MAML3: variants seen among roughly 807,000 people sequenced by gnomAD.
MAML3 encodes the protein mastermind-like protein 3.
MAML3 carries 27 observed loss-of-function variants against 101.9 expected under a neutral mutation model. The ratio of observed to expected loss-of-function variants is 0.27; its 90% CI spans 0.20 to 0.37. MAML3 has a LOEUF of 0.37. MAML3 is among the 10% of genes least tolerant of loss of function. MAML3 has a pLI of 1.00. For synonymous variants in MAML3, 501 were observed against 555.9 expected (o/e 0.90, Z 1.39); for missense variants, 1,316 against 1,444.9 (o/e 0.91, Z 1.45).
chr4:139,876,263 C>T (rs1321277276), intron 2 of MAML3, among the ~76,000 whole-genome samples: 1 of 152,160 alleles, frequency 6.6e-6, no homozygotes, highest in African/African-American at 2.4e-5. Context: ...TTACCTTTTG[C>T]AACATGGCCA....
chr4:139,846,041 T>G (rs1165833675), intron 2 of MAML3, among the ~76,000 whole-genome samples: 1 of 152,196 alleles, frequency 6.6e-6, no homozygotes, highest in Non-Finnish European at 1.5e-5. Flanking sequence ...CATAGTTATT[T>G]GTGACAGCTT....
chr4:139,841,366 T>G lies in MAML3; in HGVS notation c.2079+47991A>C, dbSNP rs182578259. ...GGTGAATGCTATGTCCAGCTCTTTCTCTCTCATCTTCTTCATGTAGGGTCA... is the reference window on the plus strand; with the variant it reads ...GGTGAATGCTATGTCCAGCTCTTTCGCTCTCATCTTCTTCATGTAGGGTCA... On this transcript the variant is annotated intron_variant, in intron 2 of 4. Transcript: ENST00000509479. Among the ~76,000 whole-genome samples, 56 of 152,346 alleles carry G rather than the reference T, an allele frequency of 3.7e-4. 1 individual carries two copies. In the East Asian group the frequency reaches 9.8e-3, roughly 27 times the overall value.
intron 1 of MAML3, among the ~76,000 whole-genome samples, chr4:140,119,873 G>A (rs1728577147): frequency 2.6e-5 from 4 of 152,114 alleles, no homozygotes; most frequent in African/African-American, 9.7e-5. Flanking sequence ...ATTCTAGAGA[G>A]GAAAATTAGT....
At chr4:139,728,924 C>G (rs1728588352) in intron 3 of MAML3, among the ~76,000 whole-genome samples, 1 of 152,126 alleles carries the variant, frequency 6.6e-6, no homozygotes, top group Admixed American at 6.5e-5. Context: ...AGCCATCACT[C>G]AAAACATCAG....
chr4:139,879,355 A>T (rs1732174261), intron 2 of MAML3, among the ~76,000 whole-genome samples: 1 of 151,636 alleles, frequency 6.6e-6, no homozygotes, highest in African/African-American at 2.4e-5. Flanking sequence ...GTGAAACCCC[A>T]TGTCTACTAA....
chr4:139,896,607 GGTGT>G (rs113274639), intron 1 of MAML3, among the ~76,000 whole-genome samples: 15 of 144,680 alleles, frequency 1.0e-4, no homozygotes, highest in African/African-American at 3.4e-4. Flanking sequence ...CTGTGAAACT[GGTGT>G]GTGTGTGTGT....
intron 2 of MAML3, among the ~76,000 whole-genome samples, chr4:139,774,716 A>G (rs927555705): frequency 6.6e-6 from 1 of 152,232 alleles, no homozygotes; most frequent in Admixed American, 6.5e-5. Context: ...AAGATTTATG[A>G]TAGTAATTTT....
At chr4:140,148,861 C>T (rs578012979) in intron 1 of MAML3, among the ~76,000 whole-genome samples, 3 of 152,232 alleles carry the variant, frequency 2.0e-5, no homozygotes, top group Non-Finnish European at 4.4e-5. Context: ...GAACAGGGGT[C>T]ACATAGATTT....
At chr4:139,802,925 A>G (rs908970130) in intron 2 of MAML3, among the ~76,000 whole-genome samples, 1 of 152,242 alleles carries the variant, frequency 6.6e-6, no homozygotes, top group Non-Finnish European at 1.5e-5. Flanking sequence ...CTAAAAGACA[A>G]AAATATCTTA....
At chr4:139,992,310 T>C (rs1734694053) in intron 1 of MAML3, among the ~76,000 whole-genome samples, 1 of 152,224 alleles carries the variant, frequency 6.6e-6, no homozygotes, top group Non-Finnish European at 1.5e-5. Context: ...TGTGTATGTT[T>C]CTGTGTGGCT....
At chr4:140,060,754 T>C (rs1032137777) in intron 1 of MAML3, among the ~76,000 whole-genome samples, 1 of 152,224 alleles carries the variant, frequency 6.6e-6, no homozygotes, top group Non-Finnish European at 1.5e-5. Flanking sequence ...TATTCTAGAA[T>C]TCATTTAAAT....
chr4:140,154,127 GCCTCCT>G lies in MAML3; in HGVS notation c.-806_-801del. 5.6e-6 allele frequency: 1 copy of G among 179,598 alleles called. No homozygotes were observed. The highest frequency in any genetic ancestry group is 1.7e-4 in the East Asian group (1 of 5,922). The allele number at this position is 179,598 out of a possible 1,614,324, so 11.1% of individuals were successfully genotyped here. A position where few individuals can be genotyped will look rare whatever the true frequency, so the allele number is the denominator to read the frequency against. ...ACTGCTCGCCGCCGCCGCCGCCGCC[GCCTCCT>G]CCTCCTCCTCTCGCTCCTCCACCTC... is the stretch of plus-strand genomic sequence containing the variant. On this transcript the variant is annotated 5_prime_UTR_variant, in exon 1 of 5. Coordinates refer to ENST00000509479, the MANE Select transcript of MAML3 (RefSeq NM_018717.5).
intron 4 of MAML3, among the ~76,000 whole-genome samples, chr4:139,721,249 T>C (rs138725816): frequency 6.6e-6 from 1 of 152,264 alleles, no homozygotes; most frequent in African/African-American, 2.4e-5. Context: ...TTTGAGTGAG[T>C]CCTTCTTTAC....
At chr4:139,875,359 C>T (rs1732092404) in intron 2 of MAML3, among the ~76,000 whole-genome samples, 1 of 152,192 alleles carries the variant, frequency 6.6e-6, no homozygotes, top group African/African-American at 2.4e-5. Context: ...ACGGAGAGAA[C>T]TGTGACTGCT....
chr4:140,131,453 G>A (rs965027335), intron 1 of MAML3, among the ~76,000 whole-genome samples: 1 of 152,162 alleles, frequency 6.6e-6, no homozygotes, highest in African/African-American at 2.4e-5. Flanking sequence ...TTAGTACAGA[G>A]GCAGAAGGTA....
At chr4:140,081,721 G>C (rs1217770249) in intron 1 of MAML3, among the ~76,000 whole-genome samples, 2 of 152,154 alleles carry the variant, frequency 1.3e-5, no homozygotes. Context: ...ATCTAATGGG[G>C]AGGGTAGGAA....
At chr4:140,136,694 A>G (rs1163635526) in intron 1 of MAML3, among the ~76,000 whole-genome samples, 1 of 152,208 alleles carries the variant, frequency 6.6e-6, no homozygotes. Context: ...TGGATGGATG[A>G]CTAAGTCAAG....
intron 1 of MAML3, among the ~76,000 whole-genome samples, chr4:140,072,816 G>A (rs1727684117): frequency 6.6e-6 from 1 of 152,198 alleles, no homozygotes; most frequent in South Asian, 2.1e-4. Flanking sequence ...CCAAGGGACA[G>A]CTGTACCTCA....
At chr4:139,932,818 T>A (rs1182417373) in intron 1 of MAML3, among the ~76,000 whole-genome samples, 1 of 152,176 alleles carries the variant, frequency 6.6e-6, no homozygotes, top group Non-Finnish European at 1.5e-5. Flanking sequence ...CTCTCGTATC[T>A]CCATTTTAAG....
Sources: allele counts gnomAD v4.1 joint callset (sites outside exome capture counted in the v4.1 genomes callset), GRCh38; gene constraint gnomAD v4.1.1; transcripts MANE v1.5; gene names NCBI Gene and HGNC (gene_info 2026-07-23, HGNC 2026-07-21).